UBE2E1: variants seen among roughly 807,000 people sequenced by gnomAD.
UBE2E1 encodes ubiquitin-conjugating enzyme E2 E1.
Under a neutral mutation model 21.4 loss-of-function variants are expected in UBE2E1, and 6 were observed. That is an observed-to-expected ratio of 0.28 (90% CI 0.15 to 0.55). The LOEUF (loss-of-function observed/expected upper bound fraction) is 0.55, where lower values mean the gene tolerates loss of function less well. Ranked by LOEUF, UBE2E1 falls within the 20% of genes least tolerant of loss-of-function variation. The pLI is 0.93. For missense variants in UBE2E1, 142 were observed against 236.5 expected (o/e 0.60, Z 2.62); for synonymous variants, 87 against 82.7 (o/e 1.05, Z -0.28).
rs1378115758 is a variant in UBE2E1 at position 23,812,063 on chromosome 3, C to T, written c.203+553C>T. On this transcript the variant is annotated intron_variant, in intron 3 of 5. Transcript: ENST00000306627. Reference sequence around the variant, plus strand: ...AAACTTTCATGGGGTGTTTTTTTCACTTGCTTTATTCAGACTGTATACATA... The same window carrying T: ...AAACTTTCATGGGGTGTTTTTTTCATTTGCTTTATTCAGACTGTATACATA... Among the ~76,000 whole-genome samples the T allele has an allele frequency of 2.6e-5, 4 of 152,058 alleles. No individual in the cohort carries two copies. In the East Asian group the frequency reaches 7.7e-4, roughly 29 times the overall value.
At chr3:23,807,187 C>T in intron 1 of UBE2E1, 50 bp from the exon 2 acceptor site, 1 of 1,469,270 alleles carries the variant, frequency 6.8e-7, no homozygotes, top group South Asian at 1.4e-5. Context: ...TCCTTATTTA[C>T]ACTGGCTGCA....
At chr3:23,867,319 G>A (rs924067221) in intron 3 of UBE2E1, among the ~76,000 whole-genome samples, 2 of 152,108 alleles carry the variant, frequency 1.3e-5, no homozygotes, top group Middle Eastern at 3.2e-3. Context: ...TTGGTTCTTG[G>A]AGTGATACTT....
chr3:23,871,748 A>C (rs7644353), intron 3 of UBE2E1, among the ~76,000 whole-genome samples: 79,508 of 145,900 alleles, frequency 0.54, 21,285 homozygotes, highest in Middle Eastern at 0.66. Context: ...CGGCGGGGCA[A>C]AGGCGCTCCC....
intron 3 of UBE2E1, among the ~76,000 whole-genome samples, chr3:23,867,068 CTT>C (rs949496869): frequency 6.9e-6 from 1 of 144,472 alleles, no homozygotes; most frequent in African/African-American, 2.5e-5. Flanking sequence ...TTCTCCTCAT[CTT>C]TTTTTTTTTT....
Position 23,811,529 on chromosome 3 carries a change from T to A in UBE2E1, c.203+19T>A, listed in dbSNP as rs774936588. 3.8e-5 allele frequency: 62 copies of A among 1,612,514 alleles called. No individual in the cohort carries two copies. The highest frequency in any genetic ancestry group is 5.3e-5 in the Non-Finnish European group (62 of 1,178,636). On this transcript the variant is annotated intron_variant, in intron 3 of 5. Coordinates refer to ENST00000306627, the MANE Select transcript of UBE2E1 (RefSeq NM_003341.5). ...ATTGCAGGTGAGTTGCTTTTCGGAT[T>A]TTTTCCATTTTTAAAATTCTTCTAA...
chr3:23,868,454 G>A (rs775083679), intron 3 of UBE2E1, among the ~76,000 whole-genome samples: 9 of 151,758 alleles, frequency 5.9e-5, no homozygotes, highest in South Asian at 2.1e-4. Flanking sequence ...GACTACAGGC[G>A]CCCACTAACA....
At position 23,811,494 on chromosome 3, in the gene UBE2E1, C is replaced by A. The variant is rs1318455360; in HGVS notation, c.187C>A (p.Pro63Thr). 1 of 1,614,166 alleles carries A rather than the reference C, an allele frequency of 6.2e-7. No individual in the cohort carries two copies. Among genetic ancestry groups the A allele is most frequent in the Non-Finnish European group, 8.5e-7 (1 of 1,180,030 alleles). ...QKELADITLD[P>T]PPNCSAGPKG... is the part of the protein sequence containing the mutation. ...GGAGCTGGCGGACATCACTTTAGAC[C>A]CTCCACCTAATTGCAGGTGAGTTGC... The change falls in exon 3 of 6, where the codon CCT becomes ACT. Residue 63 changes from proline (P) to threonine (T), a missense_variant. Physicochemically the swap from Pro to Thr is conservative, Grantham distance 38 (BLOSUM62 -1). Transcript: ENST00000306627.
intron 3 of UBE2E1, among the ~76,000 whole-genome samples, chr3:23,860,376 G>T (rs1336867645): frequency 1.3e-5 from 2 of 152,186 alleles, no homozygotes; most frequent in East Asian, 3.8e-4. Flanking sequence ...ATGCTTCCTT[G>T]TGGCTTTGTG....
At chr3:23,847,061 C>T (rs1700222938) in intron 3 of UBE2E1, among the ~76,000 whole-genome samples, 2 of 152,032 alleles carry the variant, frequency 1.3e-5, no homozygotes, top group Non-Finnish European at 2.9e-5. Context: ...TATAGTTTAT[C>T]CCTAAATTTG....
chr3:23,829,489 G>A (rs1215205240), intron 3 of UBE2E1, among the ~76,000 whole-genome samples: 2 of 151,970 alleles, frequency 1.3e-5, no homozygotes, highest in Non-Finnish European at 2.9e-5. Context: ...TTTTGGAGAG[G>A]TGGGGTCTTG....
intron 2 of UBE2E1, among the ~76,000 whole-genome samples, chr3:23,809,181 T>C (rs1699336858): frequency 6.6e-6 from 1 of 152,214 alleles, no homozygotes; most frequent in Non-Finnish European, 1.5e-5. Context: ...GTTTTTGCAA[T>C]GAATTTAGCT....
rs1033764602 is a variant in UBE2E1, at chr3:23,806,591, A to AG, written c.-34+504dup. ...GCTCCGGACCCCCGCCCGGCCGCAT[A>AG]GCTGTGAGCAGGGCGGCCAGAGGCA... On this transcript the variant is annotated intron_variant, in intron 1 of 5. Coordinates refer to ENST00000306627, the MANE Select transcript of UBE2E1 (RefSeq NM_003341.5). The surrounding 1 kb of genome is among the most constrained non-coding windows in gnomAD (Gnocchi z 6.5). 5.4e-5 allele frequency among the ~76,000 whole-genome samples: 8 copies of AG among 149,078 alleles called. No homozygotes were observed. The highest frequency in any genetic ancestry group is 2.0e-4 in the African/African-American group (8 of 40,208).
Position 23,842,234 on chromosome 3 carries a change from TGTGTGTGTGTGTGTG to T in UBE2E1, c.203+30729_203+30743del, listed in dbSNP as rs1177556567. 1.2e-4 allele frequency among the ~76,000 whole-genome samples: 9 copies of T among 75,686 alleles called. 1 individual carries two copies. The East Asian group carries it at 2.3e-3, about 19-fold the overall frequency. 49.7% of individuals were successfully genotyped at this position (75,686 alleles called of 152,430 possible). A position where few individuals can be genotyped will look rare whatever the true frequency, so the allele number is the denominator to read the frequency against. On this transcript the variant is annotated intron_variant, in intron 3 of 5. Coordinates refer to ENST00000306627, the MANE Select transcript of UBE2E1 (RefSeq NM_003341.5). The surrounding 1 kb of genome is among the most constrained non-coding windows in gnomAD (Gnocchi z 4.6). ...GTGTGTGTGTGTGTGTGTGTGTGTG[TGTGTGTGTGTGTGTG>T]GTGTTGTTGTTGTTGGCGACAGGGT... is the stretch of plus-strand genomic sequence containing the variant.
chr3:23,815,107 A>C (rs1009944942), intron 3 of UBE2E1, among the ~76,000 whole-genome samples: 1 of 152,256 alleles, frequency 6.6e-6, no homozygotes, highest in East Asian at 1.9e-4. Flanking sequence ...CAGGCCCCCA[A>C]GTAGCAGGAA....
intron 3 of UBE2E1, among the ~76,000 whole-genome samples, chr3:23,843,252 T>A (rs1244613713): frequency 6.6e-6 from 1 of 152,156 alleles, no homozygotes; most frequent in Non-Finnish European, 1.5e-5. Context: ...TAATCGAGGT[T>A]AATGCCAGTC....
chr3:23,871,151 A>G (rs576866036), intron 3 of UBE2E1, among the ~76,000 whole-genome samples: 775 of 133,930 alleles, frequency 5.8e-3, no homozygotes, highest in Non-Finnish European at 7.0e-3. Flanking sequence ...ATTCCACAAA[A>G]CCGCCATTGT....
chr3:23,858,131 T>C (rs922932536), intron 3 of UBE2E1, among the ~76,000 whole-genome samples: 1 of 152,206 alleles, frequency 6.6e-6, no homozygotes, highest in Non-Finnish European at 1.5e-5. Flanking sequence ...GCGAAGGCTC[T>C]ATGGCAGATA....
chr3:23,829,033 G>C (rs1036130115), intron 3 of UBE2E1, among the ~76,000 whole-genome samples: 4 of 152,062 alleles, frequency 2.6e-5, no homozygotes, highest in African/African-American at 9.7e-5. Context: ...GTAGCTAGAG[G>C]GGGGTGGCAG....
At chr3:23,847,901 C>T (rs939487933) in intron 3 of UBE2E1, among the ~76,000 whole-genome samples, 2 of 152,138 alleles carry the variant, frequency 1.3e-5, no homozygotes, top group Non-Finnish European at 2.9e-5. Context: ...AAGGCAATAG[C>T]TGTTATCAGT....
Sources: allele counts gnomAD v4.1 joint callset (sites outside exome capture counted in the v4.1 genomes callset), GRCh38; gene constraint gnomAD v4.1.1; non-coding constraint Gnocchi (gnomAD v3.1); transcripts MANE v1.5; gene names NCBI Gene and HGNC (gene_info 2026-07-23, HGNC 2026-07-21).